The following SEC16A variants were observed in gnomAD, a reference collection of about 807,000 sequenced individuals.
SEC16A encodes SEC16 homolog A, endoplasmic reticulum export factor, also known as protein transport protein Sec16A.
In SEC16A, 110 loss-of-function variants were observed where a neutral mutation model predicts 221.9. The observed-to-expected ratio is 0.50, with a 90% CI of 0.42 to 0.58. The LOEUF (loss-of-function observed/expected upper bound fraction) is 0.58, where lower values mean the gene tolerates loss of function less well. Ranked by LOEUF, SEC16A falls within the 20% of genes least tolerant of loss-of-function variation. The pLI is 0.00. For missense variants in SEC16A, 3,165 were observed against 3,097.8 expected (o/e 1.02, Z -0.52); for synonymous variants, 1,393 against 1,257.7 (o/e 1.11, Z -2.28).
chr9:136,457,553 G>T lies in SEC16A; in HGVS notation c.5441C>A (p.Ala1814Glu), dbSNP rs367857932. 4 of 1,610,902 alleles carry T rather than the reference G, an allele frequency of 2.5e-6. No individual in the cohort carries two copies. In the East Asian group the frequency reaches 8.9e-5, roughly 36 times the overall value. Residue 1814 changes from alanine (A) to glutamate (E), a missense_variant, in exon 18 of 32, where the codon GCG (alanine) becomes GAG (glutamate). By Grantham distance (107) the Ala-to-Glu change is moderately radical. Transcript: ENST00000684901. ...VFKFIYSCRLAEMGLATQAFH... is the reference protein window; with the variant it reads ...VFKFIYSCRLEEMGLATQAFH... ...GGCTTGCGTGGCCAGCCCCATTTCCGCCAGGCGGCAGGAGTAGATGAACTT... is the reference window on the plus strand; with the variant it reads ...GGCTTGCGTGGCCAGCCCCATTTCCTCCAGGCGGCAGGAGTAGATGAACTT...
chr9:136,453,108 AG>A (rs1202067392), intron 22 of SEC16A, among the ~76,000 whole-genome samples: 1 of 151,808 alleles, frequency 6.6e-6, no homozygotes, highest in Non-Finnish European at 1.5e-5. Context: ...AAAGAGATGT[AG>A]AAATCAGAGA....
chr9:136,468,622 G>T lies in SEC16A; in HGVS notation c.3705-110C>A, dbSNP rs184005646. The T allele has an allele frequency of 2.1e-5, 14 of 658,592 alleles. No homozygotes were observed. In the Admixed American group the frequency reaches 3.7e-4, roughly 17 times the overall value. 40.8% of individuals were successfully genotyped at this position (658,592 alleles called of 1,614,324 possible). On this transcript the variant is annotated intron_variant, in intron 4 of 31. Transcript: ENST00000684901. ...AATGGGCATTCATCAAAGCACTTTG[G>T]TTGTACAAAAATTCCAATTAGAAGA...
In SEC16A at chr9:136,447,549, C is replaced by CA. The variant is rs748677007; in HGVS notation, c.6559+19dup. 12 of 1,593,918 alleles carry CA rather than the reference C, an allele frequency of 7.5e-6. No individual in the cohort carries two copies. The South Asian group carries it at 1.3e-4, about 18-fold the overall frequency. On this transcript the variant is annotated intron_variant, in intron 26 of 31. Transcript: ENST00000684901. The surrounding 1 kb of genome is among the most constrained non-coding windows in gnomAD (Gnocchi z 5.5). Reference sequence around the variant, plus strand: ...ACAGTTAATCGTTCAAGCAAGCTCCCACTCCAAGGCCACCCTTACCTGCTC... The same window carrying CA: ...ACAGTTAATCGTTCAAGCAAGCTCCCAACTCCAAGGCCACCCTTACCTGCTC...
intron 5 of SEC16A, among the ~76,000 whole-genome samples, chr9:136,467,533 G>C (rs1243821384): frequency 6.6e-6 from 1 of 152,012 alleles, no homozygotes; most frequent in Non-Finnish European, 1.5e-5. Flanking sequence ...TGCTGCTTTT[G>C]ACTAGTTAAT....
At chr9:136,454,394 G>C in intron 20 of SEC16A, 67 bp from the exon 21 acceptor site, 2 of 1,355,872 alleles carry the variant, frequency 1.5e-6, no homozygotes, top group Non-Finnish European at 2.1e-6. Flanking sequence ...GGAAGGAGCT[G>C]ACACTCGACG....
chr9:136,452,941 C>T (rs1359545516), intron 22 of SEC16A, among the ~76,000 whole-genome samples: 1 of 151,374 alleles, frequency 6.6e-6, no homozygotes, highest in Admixed American at 6.6e-5. Context: ...CATGGTGGCA[C>T]ACACCTGTAG....
chr9:136,455,559 CAGGGGCTTGTCTG>C (rs780877610), intron 20 of SEC16A, 29 bp downstream of exon 20: 68 of 1,501,738 alleles, frequency 4.5e-5, no homozygotes, highest in Non-Finnish European at 6.0e-5. Flanking sequence ...CCACAGGAAG[CAGGGGCTTGTCTG>C]AGGGCAGCAG....
intron 31 of SEC16A, among the ~76,000 whole-genome samples, chr9:136,442,925 A>G (rs1310222097): frequency 6.6e-6 from 1 of 152,244 alleles, no homozygotes; most frequent in East Asian, 1.9e-4. Flanking sequence ...GAAATAAAAA[A>G]CATACAAAAA....
chr9:136,460,490 T>C (rs1198950297), intron 13 of SEC16A, among the ~76,000 whole-genome samples: 1 of 151,716 alleles, frequency 6.6e-6, no homozygotes, highest in Non-Finnish European at 1.5e-5. Context: ...ATAAAATAAA[T>C]TTTTTAAAAA....
chr9:136,482,399 T>G (rs753304122), intron 1 of SEC16A, among the ~76,000 whole-genome samples: 5 of 152,226 alleles, frequency 3.3e-5, no homozygotes, highest in Admixed American at 2.0e-4. Context: ...ATGGCTCTGA[T>G]GTTTCTGAAG....
rs139166923 is a variant in SEC16A at position 136,448,548 on chromosome 9, G to A, written c.6313-387C>T. 7.1e-3 allele frequency: 3,967 copies of A among 562,286 alleles called. 168 individuals carry two copies. In the African/African-American group the frequency reaches 0.074, roughly 11 times the overall value. The allele number at this position is 562,286 out of a possible 1,614,324, so 34.8% of individuals were successfully genotyped here. A position where few individuals can be genotyped will look rare whatever the true frequency, so the allele number is the denominator to read the frequency against. On this transcript the variant is annotated intron_variant, in intron 23 of 31. Transcript: ENST00000684901. The stretch of plus-strand genomic sequence containing the variant: ...GAGGTGGGAGCAGATCCACAGAGAC[G>A]CCAGGAGGATGGAGGTGGGGAGCAG...
In SEC16A at chr9:136,474,595, G is replaced by A. The variant is rs570063005; in HGVS notation, c.3021C>T (p.Asn1007=). ...TGTCAGAATGGGACGGGTTGTACAC[G>A]TTTACAGGATTTTCCAAAGTCCTGC... ...TLSRTLENPV[N]VYNPSHSDSL... Residue 1007 remains asparagine (N), a synonymous_variant, in exon 3 of 32, where the codon AAC becomes AAT. Coordinates refer to ENST00000684901, the MANE Select transcript of SEC16A (RefSeq NM_014866.2). The A allele has an allele frequency of 4.5e-4, 724 of 1,612,938 alleles. 15 individuals carry two copies. The South Asian group carries it at 7.4e-3, about 16-fold the overall frequency.
At position 136,477,270 on chromosome 9, in the gene SEC16A, G is replaced by A; in HGVS notation, c.346C>T (p.Gln116Ter). The A allele has an allele frequency of 6.2e-7, 1 of 1,613,982 alleles. No individual in the cohort carries two copies. Among genetic ancestry groups the A allele is most frequent in the Non-Finnish European group, 8.5e-7 (1 of 1,179,896 alleles). Residue 116 changes from glutamine (Q) to a stop codon, truncating the protein, a stop_gained, in exon 3 of 32, where the codon CAG becomes TAG. Coordinates refer to ENST00000684901, the MANE Select transcript of SEC16A (RefSeq NM_014866.2). LOFTEE classifies it high-confidence loss of function. The part of the protein sequence containing the change: ...PCEPLPGPLT[Q>*]PRAHASPFSG... ...AACGGACTGGCATGTGCTCTGGGCTGTGTCAGAGGTCCAGGCAGGGGCTCA... is the reference window on the plus strand; with the variant it reads ...AACGGACTGGCATGTGCTCTGGGCTATGTCAGAGGTCCAGGCAGGGGCTCA...
Position 136,461,203 on chromosome 9 carries a change from G to A in SEC16A, c.4965C>T (p.Ser1655=), listed in dbSNP as rs959812723. The change falls in exon 13 of 32, where the codon AGC becomes AGT. Residue 1655 remains serine, a synonymous_variant. Coordinates refer to ENST00000684901, the MANE Select transcript of SEC16A (RefSeq NM_014866.2). The part of the protein sequence containing the change: ...HALLLASKMD[S]RTHARVMTRF... ...TGGTCATGACTCGGGCGTGTGTCCGGCTGTCCATCTTACTTGCAAGTAGCA... is the reference window on the plus strand; with the variant it reads ...TGGTCATGACTCGGGCGTGTGTCCGACTGTCCATCTTACTTGCAAGTAGCA... 1.2e-5 allele frequency: 19 copies of A among 1,607,390 alleles called. No homozygotes were observed. The highest frequency in any genetic ancestry group is 3.3e-4 in the Middle Eastern group (2 of 6,078).
chr9:136,458,130 ATTT>A (rs1222002410), intron 17 of SEC16A, among the ~76,000 whole-genome samples: 2 of 116,232 alleles, frequency 1.7e-5, no homozygotes. Flanking sequence ...TAATTTTTGT[ATTT>A]TTTTTTTTTT....
At chr9:136,473,428 GTCAC>G (rs777880695) in intron 3 of SEC16A, among the ~76,000 whole-genome samples, 8 of 152,240 alleles carry the variant, frequency 5.3e-5, no homozygotes, top group Non-Finnish European at 1.0e-4. Context: ...TAACTCAAAT[GTCAC>G]TCATGAGCTG....
At chr9:136,465,901 CA>C (rs1840079716) in intron 8 of SEC16A, 60 bp downstream of exon 8, 1 of 1,524,046 alleles carries the variant, frequency 6.6e-7, no homozygotes, top group South Asian at 1.2e-5. Context: ...GTTCAGATGC[CA>C]GGCTGGGTGG....
At chr9:136,471,828 C>T in intron 4 of SEC16A, 147 bp downstream of exon 4, 1 of 990,896 alleles carries the variant, frequency 1.0e-6, no homozygotes, top group Admixed American at 2.4e-5. Context: ...TTGTCCATAC[C>T]AAGAAAATGT....
chr9:136,467,109 T>C, intron 5 of SEC16A, 26 bp from the exon 6 acceptor site: 1 of 1,613,196 alleles, frequency 6.2e-7, no homozygotes, highest in East Asian at 2.2e-5. Flanking sequence ...TAATGATTAA[T>C]ACAGTAACAT....
Sources: allele counts gnomAD v4.1 joint callset (sites outside exome capture counted in the v4.1 genomes callset), GRCh38; gene constraint gnomAD v4.1.1; non-coding constraint Gnocchi (gnomAD v3.1); transcripts MANE v1.5; gene names NCBI Gene and HGNC (gene_info 2026-07-23, HGNC 2026-07-21).